Variants in TTC13 observed in about 807,000 individuals in gnomAD.
The protein encoded by TTC13 is tetratricopeptide repeat protein 13.
In TTC13, 62 loss-of-function variants were observed where a neutral mutation model predicts 120.0. That is an observed-to-expected ratio of 0.52 (90% CI 0.42 to 0.64). The LOEUF (loss-of-function observed/expected upper bound fraction) is 0.64. Ranked by LOEUF, TTC13 falls within the 30% of genes least tolerant of loss-of-function variation. The pLI, the probability that TTC13 is intolerant of heterozygous loss-of-function variation, is 0.00. For synonymous variants in TTC13, 384 were observed against 393.5 expected (o/e 0.98, Z 0.28); for missense variants, 824 against 1,050.2 (o/e 0.78, Z 2.98).
intron 4 of TTC13, among the ~76,000 whole-genome samples, chr1:230,952,214 C>T (rs532283377): frequency 1.5e-3 from 221 of 152,196 alleles, no homozygotes; most frequent in Admixed American, 2.6e-3. Context: ...GACAGATTTT[C>T]ACAAAGCTTT....
At chr1:230,946,560 G>A (rs1447096623) in intron 4 of TTC13, among the ~76,000 whole-genome samples, 5 of 152,196 alleles carry the variant, frequency 3.3e-5, no homozygotes, top group Admixed American at 1.3e-4. Flanking sequence ...ACTACACGGT[G>A]TATGAAAAAT....
Position 230,940,537 on chromosome 1 carries a change from C to A in TTC13, c.692G>T (p.Arg231Leu). The A allele has an allele frequency of 6.2e-7, 1 of 1,612,232 alleles. No individual in the cohort carries two copies. The highest frequency in any genetic ancestry group is 8.5e-7 in the Non-Finnish European group (1 of 1,178,838). ...QRAEILSPLG[R>L]INEAVNDLTK... ...GAGGTCATTCACTGCTTCATTAATT[C>A]GTCCCAGAGGGGACAGAATCTAGAA... The change falls in exon 7 of 23, where the codon CGA becomes CTA. Residue 231 changes from arginine to leucine, a missense_variant. Arg to Leu is a moderately radical substitution (Grantham distance 102, BLOSUM62 -2). Coordinates refer to ENST00000366661, the MANE Select transcript of TTC13 (RefSeq NM_024525.5). This position sits in a 1 kb window ranked among gnomAD's most constrained non-coding sequence, Gnocchi z 4.1.
chr1:230,954,355 C>T lies in TTC13; in HGVS notation c.491G>A (p.Arg164Gln), dbSNP rs188427997. ...IGSGLYDEAI[R>Q]HFSTMLQEEP... Reference sequence around the variant, plus strand: ...TACCTGAAGCATTGTTGAAAAATGCCGTATTGCTTCATCATACAGACCACT... The same window carrying T: ...TACCTGAAGCATTGTTGAAAAATGCTGTATTGCTTCATCATACAGACCACT... The change falls in exon 4 of 23, where the codon CGG (arginine) becomes CAG (glutamine). Residue 164 changes from arginine (R) to glutamine (Q), a missense_variant. This residue lies in a region of TTC13 where 430 missense variants were observed against 626.8 expected (regional missense o/e 0.69). Coordinates refer to ENST00000366661, the MANE Select transcript of TTC13 (RefSeq NM_024525.5). 62 of 1,610,876 alleles carry T rather than the reference C, an allele frequency of 3.8e-5. No individual in the cohort carries two copies. The African/African-American group carries it at 4.7e-4, about 12-fold the overall frequency.
chr1:230,951,253 A>G (rs892308186), intron 4 of TTC13, among the ~76,000 whole-genome samples: 1 of 152,182 alleles, frequency 6.6e-6, no homozygotes, highest in East Asian at 1.9e-4. Context: ...ATATTAAATG[A>G]GCTTATCAAA....
chr1:230,908,855 T>C, intron 21 of TTC13, 64 bp from the exon 22 acceptor site: 3 of 1,604,504 alleles, frequency 1.9e-6, no homozygotes, highest in Non-Finnish European at 2.6e-6. Flanking sequence ...GCTGGAGATC[T>C]ATGTAACTCG....
chr1:230,912,179 G>A lies in TTC13; in HGVS notation c.2229+444C>T, dbSNP rs1215266989. On this transcript the variant is annotated intron_variant, in intron 19 of 22. Transcript: ENST00000366661. ...ACCAAAGAAGAAGGCCACAGACCAG[G>A]AAAGGGCCGCCAAGTGCAAAGTATA... Among the ~76,000 whole-genome samples, 4 of 152,210 alleles carry A rather than the reference G, an allele frequency of 2.6e-5. No individual in the cohort carries two copies. In the East Asian group the frequency reaches 7.7e-4, roughly 29 times the overall value.
At chr1:230,953,613 A>G (rs868747069) in intron 4 of TTC13, among the ~76,000 whole-genome samples, 1 of 152,204 alleles carries the variant, frequency 6.6e-6, no homozygotes, top group African/African-American at 2.4e-5. Flanking sequence ...AGTGGATTAG[A>G]ATTAAGGCAT....
intron 19 of TTC13, 110 bp downstream of exon 19, chr1:230,912,513 A>C: frequency 2.3e-6 from 3 of 1,284,596 alleles, no homozygotes; most frequent in Non-Finnish European, 3.3e-6. Context: ...AGGTCAATTC[A>C]ACCCAATTTC....
At position 230,940,591 on chromosome 1, in the gene TTC13, C is replaced by A; in HGVS notation, c.673-35G>T. ...CCAAACATGTAATCAGGAAGAATACCAATGACCAACCCTAAAATCCCAATG... is the reference window on the plus strand; with the variant it reads ...CCAAACATGTAATCAGGAAGAATACAAATGACCAACCCTAAAATCCCAATG... On this transcript the variant is annotated intron_variant, in intron 6 of 22. Coordinates refer to ENST00000366661, the MANE Select transcript of TTC13 (RefSeq NM_024525.5). This position sits in a 1 kb window ranked among gnomAD's most constrained non-coding sequence, Gnocchi z 4.1. 7.4e-7 allele frequency: 1 copy of A among 1,345,856 alleles called. No homozygotes were observed. The highest frequency in any genetic ancestry group is 1.1e-6 in the Non-Finnish European group (1 of 940,054). 83.4% of individuals were successfully genotyped at this position (1,345,856 alleles called of 1,614,324 possible).
intron 11 of TTC13, among the ~76,000 whole-genome samples, chr1:230,931,075 T>C (rs1673506838): frequency 6.6e-6 from 1 of 152,232 alleles, no homozygotes; most frequent in Admixed American, 6.5e-5. Flanking sequence ...GTTTTAACTT[T>C]AGAAAGTAAA....
At chr1:230,926,279 T>G (rs116798808) in intron 12 of TTC13, among the ~76,000 whole-genome samples, 2 of 152,034 alleles carry the variant, frequency 1.3e-5, no homozygotes, top group Non-Finnish European at 2.9e-5. Context: ...AAGAGGCACA[T>G]TGGGAGAAGT....
At chr1:230,946,844 G>A (rs894649104) in intron 4 of TTC13, among the ~76,000 whole-genome samples, 11 of 152,104 alleles carry the variant, frequency 7.2e-5, no homozygotes, top group Admixed American at 2.0e-4. Flanking sequence ...AACTGGTATA[G>A]AGGTTGCTCA....
At chr1:230,939,828 C>T (rs1933629) in intron 7 of TTC13, among the ~76,000 whole-genome samples, 133,737 of 152,276 alleles carry the variant, frequency 0.88, 58,721 homozygotes, top group East Asian at 0.98. Flanking sequence ...ACTGGATATT[C>T]CCAGAATAAT....
In TTC13 at chr1:230,965,451, AT is replaced by A. The variant is rs559823334; in HGVS notation, c.272-4149del. On this transcript the variant is annotated intron_variant, in intron 1 of 22. Transcript: ENST00000366661. ...TCTCACCCCAGTTAAAATGGTGTAT[AT>A]GCAAAAGACAGATAATAACAAATGC... Among the ~76,000 whole-genome samples the A allele has an allele frequency of 2.8e-3, 433 of 152,366 alleles. 2 individuals are homozygous for A. Among genetic ancestry groups the A allele is most frequent in the Non-Finnish European group, 4.9e-3 (334 of 68,036 alleles).
chr1:230,935,501 G>A (rs969023201), intron 8 of TTC13, among the ~76,000 whole-genome samples: 2 of 152,166 alleles, frequency 1.3e-5, no homozygotes, highest in Non-Finnish European at 2.9e-5. Flanking sequence ...TAAAGAAAGA[G>A]GGCATTTTGG....
intron 4 of TTC13, among the ~76,000 whole-genome samples, chr1:230,952,485 A>T (rs1675687789): frequency 6.6e-6 from 1 of 152,260 alleles, no homozygotes; most frequent in South Asian, 2.1e-4. Context: ...CTGAACTGCG[A>T]GCAAAGCAGT....
chr1:230,907,044 C>A, intron 22 of TTC13, 25 bp from the exon 23 acceptor site: 2 of 1,275,440 alleles, frequency 1.6e-6, no homozygotes, highest in Non-Finnish European at 2.1e-6. Context: ...CACAAAGTAG[C>A]GGCATGAAAA....
intron 4 of TTC13, among the ~76,000 whole-genome samples, chr1:230,952,862 T>C (rs1675718906): frequency 1.3e-5 from 2 of 152,222 alleles, no homozygotes; most frequent in African/African-American, 2.4e-5. Flanking sequence ...GTGGCAGAAT[T>C]CGGAAATTTT....
intron 4 of TTC13, among the ~76,000 whole-genome samples, chr1:230,949,957 T>C (rs1675415941): frequency 6.6e-6 from 1 of 152,244 alleles, no homozygotes; most frequent in South Asian, 2.1e-4. Context: ...CCCAATTTAT[T>C]CTTTCTTTTT....
Sources: gnomAD v4.1 joint callset for allele counts (sites outside exome capture counted in the v4.1 genomes callset) on GRCh38, gnomAD v4.1.1 for gene constraint, gnomAD v4.1.1 regional missense constraint, Gnocchi (gnomAD v3.1) non-coding constraint, MANE v1.5 for transcripts, NCBI Gene and HGNC (gene_info 2026-07-23, HGNC 2026-07-21) for gene names.